The following ENTREP2 variants were observed in gnomAD, a reference collection of about 807,000 sequenced individuals.
The protein encoded by ENTREP2 is endosomal transmembrane epsin interactor 2.
the ENTREP2 span, among the ~76,000 whole-genome samples, chr15:29,591,342 T>G: frequency 6.6e-6 from 1 of 152,236 alleles, no homozygotes; most frequent in South Asian, 2.1e-4. Context: ...CAGCTCGGGC[T>G]TCTCGACTCC....
the ENTREP2 span, among the ~76,000 whole-genome samples, chr15:29,149,049 G>A: frequency 6.6e-6 from 1 of 152,104 alleles, no homozygotes; most frequent in South Asian, 2.1e-4. Flanking sequence ...GCTAATTTTT[G>A]TATTTTTAGT....
At chr15:29,640,296 C>T in the ENTREP2 span, among the ~76,000 whole-genome samples, 1 of 151,942 alleles carries the variant, frequency 6.6e-6, no homozygotes, top group Non-Finnish European at 1.5e-5. Context: ...ACACAAACTC[C>T]AAAACTGATT....
At chr15:29,172,156 GA>G in the ENTREP2 span, among the ~76,000 whole-genome samples, 14 of 152,066 alleles carry the variant, frequency 9.2e-5, no homozygotes, top group Non-Finnish European at 1.9e-4. Flanking sequence ...CATCACTGAA[GA>G]ATCCATTAGT....
At chr15:29,255,754 CA>C in the ENTREP2 span, among the ~76,000 whole-genome samples, 1 of 151,998 alleles carries the variant, frequency 6.6e-6, no homozygotes, top group Non-Finnish European at 1.5e-5. Flanking sequence ...GTAATCCCAG[CA>C]CTTTGGGGGG....
the ENTREP2 span, among the ~76,000 whole-genome samples, chr15:29,149,799 C>CG: frequency 1.3e-5 from 2 of 152,198 alleles, no homozygotes; most frequent in South Asian, 2.1e-4. Context: ...GCAGCAGAGC[C>CG]GGGGGTCTCA....
chr15:29,657,397 G>C, the ENTREP2 span, among the ~76,000 whole-genome samples: 1 of 143,540 alleles, frequency 7.0e-6, no homozygotes, highest in Non-Finnish European at 1.5e-5. Flanking sequence ...CAAAAAGTGA[G>C]CAGTAGCAGC....
At chr15:29,451,930 C>A in the ENTREP2 span, among the ~76,000 whole-genome samples, 5 of 152,192 alleles carry the variant, frequency 3.3e-5, no homozygotes, top group Admixed American at 1.3e-4. Flanking sequence ...AATATCAGGG[C>A]CAAAAGCTAC....
chr15:29,557,991 A>G, the ENTREP2 span, among the ~76,000 whole-genome samples: 33 of 152,346 alleles, frequency 2.2e-4, 1 homozygote, highest in Admixed American at 4.6e-4. Context: ...GTTTGGAAAC[A>G]GCAATAAGTC....
the ENTREP2 span, among the ~76,000 whole-genome samples, chr15:29,641,714 C>T: frequency 1.3e-5 from 2 of 151,578 alleles, no homozygotes; most frequent in Non-Finnish European, 2.9e-5. Flanking sequence ...CACCTGTAGT[C>T]CCAGCTACTC....
the ENTREP2 span, among the ~76,000 whole-genome samples, chr15:29,138,633 GTGTATA>G: frequency 4.6e-5 from 7 of 151,524 alleles, no homozygotes; most frequent in South Asian, 2.1e-4. Context: ...GTATGTGCAT[GTGTATA>G]TGTGTATGTG....
the ENTREP2 span, among the ~76,000 whole-genome samples, chr15:29,171,478 G>A: frequency 1.3e-5 from 2 of 152,102 alleles, no homozygotes; most frequent in East Asian, 3.9e-4. Flanking sequence ...CCCAACTCAG[G>A]CACAGCTGCA....
the ENTREP2 span, among the ~76,000 whole-genome samples, chr15:29,148,495 G>C: frequency 6.6e-6 from 1 of 152,238 alleles, no homozygotes; most frequent in Non-Finnish European, 1.5e-5. Context: ...ACATCCTCCT[G>C]TATACTTTGA....
At chr15:29,657,377 G>T in the ENTREP2 span, among the ~76,000 whole-genome samples, 1 of 149,696 alleles carries the variant, frequency 6.7e-6, no homozygotes, top group Non-Finnish European at 1.5e-5. Context: ...TCTTACAAAT[G>T]GCACGGACCC....
the ENTREP2 span, among the ~76,000 whole-genome samples, chr15:29,283,360 T>G: frequency 6.6e-6 from 1 of 152,204 alleles, no homozygotes; most frequent in African/African-American, 2.4e-5. Context: ...CTTCTTCTTT[T>G]TTTTTGGAGA....
At chr15:29,310,739 G>T in the ENTREP2 span, among the ~76,000 whole-genome samples, 1 of 152,098 alleles carries the variant, frequency 6.6e-6, no homozygotes, top group East Asian at 1.9e-4. Context: ...CTTGAAAATG[G>T]GGAAAGAAAC....
the ENTREP2 span, among the ~76,000 whole-genome samples, chr15:29,455,181 C>A: frequency 6.6e-6 from 1 of 152,272 alleles, no homozygotes; most frequent in East Asian, 1.9e-4. Flanking sequence ...CCCATCACCC[C>A]TGCTCACCCC....
the ENTREP2 span, among the ~76,000 whole-genome samples, chr15:29,198,706 C>A: frequency 6.6e-6 from 1 of 152,228 alleles, no homozygotes; most frequent in Non-Finnish European, 1.5e-5. Flanking sequence ...GCCTTCCATG[C>A]CTCATTCCCT....
the ENTREP2 span, among the ~76,000 whole-genome samples, chr15:29,558,185 A>G: frequency 8.5e-5 from 13 of 152,100 alleles, no homozygotes; most frequent in South Asian, 2.1e-4. Context: ...GAAACAAGGG[A>G]AAAAGGAGAG....
the ENTREP2 span, among the ~76,000 whole-genome samples, chr15:29,627,041 G>T: frequency 2.6e-5 from 4 of 152,004 alleles, no homozygotes; most frequent in South Asian, 4.2e-4. Flanking sequence ...TTCCTGGGGT[G>T]GGTGCTTAAT....
Sources: allele counts gnomAD v4.1 joint callset (sites outside exome capture counted in the v4.1 genomes callset), GRCh38; gene constraint gnomAD v4.1.1; transcripts MANE v1.5; gene names NCBI Gene and HGNC (gene_info 2026-07-23, HGNC 2026-07-21).